RBMS3: variants seen among roughly 807,000 people sequenced by gnomAD.
The protein encoded by RBMS3 is RNA binding motif single stranded interacting protein 3.
Under a neutral mutation model 66.8 loss-of-function variants are expected in RBMS3, and 27 were observed. The ratio of observed to expected loss-of-function variants is 0.40; its 90% CI spans 0.30 to 0.56. The LOEUF is 0.56. Ranked by LOEUF, RBMS3 falls within the 20% of genes least tolerant of loss-of-function variation. The probability of loss-of-function intolerance (pLI) is 0.40; values close to 1 mark genes in which losing one functional copy is unlikely to be tolerated. For missense variants in RBMS3, 513 were observed against 549.5 expected (o/e 0.93, Z 0.66); for synonymous variants, 188 against 183.0 (o/e 1.03, Z -0.22).
At chr3:29,773,642 GC>G (rs1431762685) in intron 6 of RBMS3, among the ~76,000 whole-genome samples, 3 of 152,082 alleles carry the variant, frequency 2.0e-5, no homozygotes, top group Admixed American at 6.6e-5. Context: ...TTTGCCCGTG[GC>G]CATCAACCAG....
chr3:29,730,573 G>A (rs1051012787), intron 4 of RBMS3, among the ~76,000 whole-genome samples: 2 of 152,150 alleles, frequency 1.3e-5, no homozygotes, highest in African/African-American at 4.8e-5. Flanking sequence ...CTGTCTTCAT[G>A]TCATTTCCAC....
intron 3 of RBMS3, among the ~76,000 whole-genome samples, chr3:29,495,913 C>T (rs1342245047): frequency 6.6e-6 from 1 of 152,108 alleles, no homozygotes; most frequent in Non-Finnish European, 1.5e-5. Flanking sequence ...GGATAACAGA[C>T]ATTTCCAGGG....
At chr3:29,796,314 A>G (rs2057184108) in intron 6 of RBMS3, among the ~76,000 whole-genome samples, 1 of 152,176 alleles carries the variant, frequency 6.6e-6, no homozygotes, top group Non-Finnish European at 1.5e-5. Context: ...CCACATCTTC[A>G]GAGACTTCCT....
intron 1 of RBMS3, among the ~76,000 whole-genome samples, chr3:29,317,506 C>T (rs985780745): frequency 1.4e-4 from 21 of 151,244 alleles, no homozygotes; most frequent in Non-Finnish European, 2.5e-4. Context: ...ATTCAGAAGC[C>T]GCAGAGGCAA....
chr3:29,551,731 A>C (rs2149032681), intron 3 of RBMS3, among the ~76,000 whole-genome samples: 1 of 152,338 alleles, frequency 6.6e-6, no homozygotes, highest in East Asian at 1.9e-4. Flanking sequence ...TGACAATTCA[A>C]GTGTGACGAG....
chr3:29,815,879 AC>A (rs778280906), intron 6 of RBMS3, among the ~76,000 whole-genome samples: 1 of 151,940 alleles, frequency 6.6e-6, no homozygotes, highest in African/African-American at 2.4e-5. Context: ...CTCAGAAATC[AC>A]CACTGAAGAA....
At chr3:29,762,288 G>A (rs2055722830) in intron 5 of RBMS3, among the ~76,000 whole-genome samples, 1 of 151,750 alleles carries the variant, frequency 6.6e-6, no homozygotes, top group Non-Finnish European at 1.5e-5. Flanking sequence ...CTCTTTGGAT[G>A]TCTTACATAA....
At chr3:29,574,159 T>A (rs767440632) in intron 3 of RBMS3, among the ~76,000 whole-genome samples, 2 of 152,230 alleles carry the variant, frequency 1.3e-5, no homozygotes, top group Non-Finnish European at 2.9e-5. Context: ...AAGTGGATTA[T>A]TGATGTCTTA....
At chr3:29,394,963 C>T (rs9844602) in intron 1 of RBMS3, among the ~76,000 whole-genome samples, 50,308 of 152,020 alleles carry the variant, frequency 0.33, 9,108 homozygotes, top group Admixed American at 0.43. Context: ...AAAGTTCAAT[C>T]GAGTCTGCTC....
intron 5 of RBMS3, among the ~76,000 whole-genome samples, chr3:29,749,332 T>G (rs1219269031): frequency 1.3e-5 from 2 of 152,172 alleles, no homozygotes; most frequent in Non-Finnish European, 2.9e-5. Context: ...ACATTATTTT[T>G]CTCTCTCCAG....
intron 7 of RBMS3, among the ~76,000 whole-genome samples, chr3:29,874,507 A>G (rs1399825752): frequency 5.3e-5 from 8 of 152,176 alleles, no homozygotes; most frequent in Non-Finnish European, 1.2e-4. Context: ...AAATTAAGAT[A>G]TGTCTACCAA....
intron 1 of RBMS3, among the ~76,000 whole-genome samples, chr3:29,357,054 TA>T (rs2037262962): frequency 6.6e-6 from 1 of 152,078 alleles, no homozygotes; most frequent in Non-Finnish European, 1.5e-5. Context: ...TTTATATATA[TA>T]TTTTTTATTA....
intron 12 of RBMS3, among the ~76,000 whole-genome samples, chr3:29,976,354 A>G (rs567160858): frequency 6.6e-6 from 1 of 151,878 alleles, no homozygotes; most frequent in African/African-American, 2.4e-5. Context: ...CTCTGTATTC[A>G]CCTCCTGGAT....
intron 10 of RBMS3, among the ~76,000 whole-genome samples, chr3:29,905,066 C>T (rs1000575685): frequency 3.3e-5 from 5 of 151,830 alleles, no homozygotes; most frequent in African/African-American, 7.3e-5. Flanking sequence ...GGTCAGCAAA[C>T]TTTTTCCGTA....
chr3:29,595,417 AAAAG>A (rs1345893235), intron 4 of RBMS3, among the ~76,000 whole-genome samples: 29 of 148,604 alleles, frequency 2.0e-4, no homozygotes, highest in Non-Finnish European at 3.6e-4. Flanking sequence ...AAAAAAAAAG[AAAAG>A]AAAGAAAGAA....
chr3:29,807,564 A>G (rs1168277833), intron 6 of RBMS3, among the ~76,000 whole-genome samples: 1 of 151,956 alleles, frequency 6.6e-6, no homozygotes, highest in Non-Finnish European at 1.5e-5. Flanking sequence ...AAAAACTGGT[A>G]TTATAACTCA....
chr3:29,978,616 T>C (rs374291551), intron 12 of RBMS3, among the ~76,000 whole-genome samples: 2 of 151,864 alleles, frequency 1.3e-5, no homozygotes, highest in African/African-American at 4.8e-5. Context: ...GGAAGAAAAT[T>C]AGGTTGTCTG....
chr3:29,668,888 G>A (rs1398880929), intron 4 of RBMS3, among the ~76,000 whole-genome samples: 1 of 152,192 alleles, frequency 6.6e-6, no homozygotes, highest in African/African-American at 2.4e-5. Context: ...GCAAAACTGT[G>A]TGGAAACTGA....
At chr3:29,835,044 G>C (rs765926255) in intron 6 of RBMS3, among the ~76,000 whole-genome samples, 35 of 151,922 alleles carry the variant, frequency 2.3e-4, no homozygotes, top group Non-Finnish European at 3.4e-4. Context: ...AACAATAAAG[G>C]TCACTGTATA....
Sources: gnomAD v4.1 joint callset for allele counts (sites outside exome capture counted in the v4.1 genomes callset) on GRCh38, gnomAD v4.1.1 for gene constraint, MANE v1.5 for transcripts, NCBI Gene and HGNC (gene_info 2026-07-23, HGNC 2026-07-21) for gene names.